The following PDE4B variants were observed in gnomAD, a reference collection of about 807,000 sequenced individuals.
The protein encoded by PDE4B is 3',5'-cyclic-AMP phosphodiesterase 4B.
In PDE4B, 20 loss-of-function variants were observed where a neutral mutation model predicts 82.2. The observed-to-expected ratio is 0.24, with a 90% CI of 0.17 to 0.35. The LOEUF is 0.35. Among genes scored for constraint, PDE4B ranks in the 10% least tolerant of loss-of-function variants. PDE4B has a pLI of 1.00. For missense variants in PDE4B, 655 were observed against 907.2 expected (o/e 0.72, Z 3.57); for synonymous variants, 320 against 318.9 (o/e 1.00, Z -0.04).
intron 3 of PDE4B, among the ~76,000 whole-genome samples, chr1:66,066,439 G>C (rs1050345693): frequency 6.6e-6 from 1 of 151,790 alleles, no homozygotes; most frequent in African/African-American, 2.4e-5. Flanking sequence ...TTTCCAGTAG[G>C]AAATGATTGG....
intron 3 of PDE4B, among the ~76,000 whole-genome samples, chr1:66,169,655 A>G (rs186294356): frequency 6.6e-6 from 1 of 152,294 alleles, no homozygotes; most frequent in Admixed American, 6.5e-5. Context: ...AGGGGAGAGA[A>G]TTGTATTTGA....
At chr1:65,993,592 T>G (rs1270373916) in intron 3 of PDE4B, among the ~76,000 whole-genome samples, 2 of 152,196 alleles carry the variant, frequency 1.3e-5, no homozygotes, top group Admixed American at 1.3e-4. Flanking sequence ...TCTAACTTAA[T>G]GTATTGTACC....
intron 6 of PDE4B, among the ~76,000 whole-genome samples, chr1:66,261,628 T>C (rs1215861398): frequency 6.6e-6 from 1 of 152,244 alleles, no homozygotes; most frequent in Non-Finnish European, 1.5e-5. Flanking sequence ...TTTTATCTTT[T>C]GGCTCTTTGC....
At chr1:65,826,768 G>A (rs944265638) in intron 1 of PDE4B, among the ~76,000 whole-genome samples, 1 of 152,252 alleles carries the variant, frequency 6.6e-6, no homozygotes, top group Non-Finnish European at 1.5e-5. Context: ...CAATACTTCC[G>A]GAGGAGAAGG....
chr1:65,905,431 G>GCCA (rs1647018378), intron 1 of PDE4B, among the ~76,000 whole-genome samples: 1 of 152,082 alleles, frequency 6.6e-6, no homozygotes, highest in Non-Finnish European at 1.5e-5. Context: ...TGTGGCATAA[G>GCCA]CATAAGGTGG....
At chr1:66,035,133 A>G (rs1249515818) in intron 3 of PDE4B, among the ~76,000 whole-genome samples, 1 of 152,198 alleles carries the variant, frequency 6.6e-6, no homozygotes, top group African/African-American at 2.4e-5. Flanking sequence ...CCCAGAGTCA[A>G]TGGCAAAAAT....
chr1:66,263,390 G>C (rs1654820674), intron 6 of PDE4B, among the ~76,000 whole-genome samples: 1 of 152,240 alleles, frequency 6.6e-6, no homozygotes, highest in Non-Finnish European at 1.5e-5. Context: ...AGAGTGCTGT[G>C]TTCGAGGAAC....
chr1:66,181,579 G>A (rs1207907441), intron 3 of PDE4B, among the ~76,000 whole-genome samples: 1 of 152,166 alleles, frequency 6.6e-6, no homozygotes. Context: ...CCTTGGCCAG[G>A]TTGACTTTCT....
chr1:66,352,287 G>A lies in PDE4B; in HGVS notation c.748-3240G>A, dbSNP rs17468525. ...TGCCCTTAGCAAAAGGCTCATAGGA[G>A]AATTAGTTTAAGCCTGGGAAGGAGG... On this transcript the variant is annotated intron_variant, in intron 8 of 16. Transcript: ENST00000341517. Among the ~76,000 whole-genome samples the A allele has an allele frequency of 8.5e-3, 1,300 of 152,308 alleles. 18 individuals are homozygous for A. Among genetic ancestry groups the A allele is most frequent in the Admixed American group, 0.03 (456 of 15,294 alleles).
chr1:66,326,781 G>A (rs905521385), intron 7 of PDE4B, among the ~76,000 whole-genome samples: 2 of 152,206 alleles, frequency 1.3e-5, no homozygotes, highest in African/African-American at 4.8e-5. Flanking sequence ...TTATATTTGG[G>A]TAATATTGTG....
intron 3 of PDE4B, among the ~76,000 whole-genome samples, chr1:66,007,188 T>TA (rs1475959160): frequency 1.3e-5 from 2 of 152,040 alleles, no homozygotes; most frequent in African/African-American, 4.8e-5. Context: ...CTCATGCCTG[T>TA]AATCCCAGCA....
chr1:66,356,060 T>C (rs1218980086), intron 9 of PDE4B, among the ~76,000 whole-genome samples: 1 of 152,224 alleles, frequency 6.6e-6, no homozygotes, highest in Non-Finnish European at 1.5e-5. Flanking sequence ...GGGGATATGG[T>C]TGAGGAATAA....
intron 3 of PDE4B, among the ~76,000 whole-genome samples, chr1:66,161,748 C>T (rs1386119091): frequency 6.6e-6 from 1 of 151,906 alleles, no homozygotes; most frequent in African/African-American, 2.4e-5. Flanking sequence ...AGCTGTGTGT[C>T]CCAGGATAAG....
chr1:66,145,992 A>G lies in PDE4B; in HGVS notation c.282-101468A>G, dbSNP rs577084072. ...ACTGCAATATTTGCTTCGCTTCACA[A>G]AAGTCAGTCAGGACAGGAAGGCATT... is the stretch of plus-strand genomic sequence containing the variant. On this transcript the variant is annotated intron_variant, in intron 3 of 16. Coordinates refer to ENST00000341517, the MANE Select transcript of PDE4B (RefSeq NM_002600.4). Among the ~76,000 whole-genome samples, 246 of 152,284 alleles carry G rather than the reference A, an allele frequency of 1.6e-3. 1 individual carries two copies. Among genetic ancestry groups the G allele is most frequent in the Non-Finnish European group, 2.9e-3 (195 of 68,020 alleles).
At chr1:65,900,458 AC>A (rs1646959385) in intron 1 of PDE4B, among the ~76,000 whole-genome samples, 1 of 151,860 alleles carries the variant, frequency 6.6e-6, no homozygotes, top group Non-Finnish European at 1.5e-5. Flanking sequence ...TTAATTTCAC[AC>A]GAATTTTAGA....
intron 3 of PDE4B, among the ~76,000 whole-genome samples, chr1:66,246,814 G>T (rs1197693341): frequency 6.6e-6 from 1 of 152,222 alleles, no homozygotes; most frequent in African/African-American, 2.4e-5. Context: ...ACAAAGCTCT[G>T]CAGCCTTGGA....
intron 1 of PDE4B, among the ~76,000 whole-genome samples, chr1:65,823,400 A>T (rs1450534399): frequency 1.0e-4 from 15 of 149,472 alleles, no homozygotes; most frequent in African/African-American, 3.7e-4. Flanking sequence ...CATCTCTAAA[A>T]AAAAAAAAAA....
intron 3 of PDE4B, among the ~76,000 whole-genome samples, chr1:66,013,872 G>C (rs1652626110): frequency 6.6e-6 from 1 of 152,048 alleles, no homozygotes; most frequent in Non-Finnish European, 1.5e-5. Flanking sequence ...TTCCCATACG[G>C]TTCTCCATAA....
chr1:65,835,175 G>A (rs1338795564), intron 1 of PDE4B, among the ~76,000 whole-genome samples: 1 of 152,182 alleles, frequency 6.6e-6, no homozygotes, highest in African/African-American at 2.4e-5. Context: ...GTTTAGATGA[G>A]ACTGAAATTG....
Sources: allele counts gnomAD v4.1 joint callset (sites outside exome capture counted in the v4.1 genomes callset), GRCh38; gene constraint gnomAD v4.1.1; transcripts MANE v1.5; gene names NCBI Gene and HGNC (gene_info 2026-07-23, HGNC 2026-07-21).